CLEC16A: variants seen among roughly 807,000 people sequenced by gnomAD.
The protein encoded by CLEC16A is C-type lectin domain containing 16A.
A neutral mutation model predicts 109.5 loss-of-function variants in CLEC16A; 51 were observed. The observed-to-expected ratio is 0.47, with a 90% CI of 0.37 to 0.59. The LOEUF (loss-of-function observed/expected upper bound fraction) is 0.59. CLEC16A is among the 20% of genes least tolerant of loss of function. CLEC16A has a pLI of 0.00. For synonymous variants in CLEC16A, 673 were observed against 564.2 expected (o/e 1.19, Z -2.73); for missense variants, 1,339 against 1,394.0 (o/e 0.96, Z 0.63).
At chr16:11,054,675 A>C (rs2048118217) in intron 18 of CLEC16A, among the ~76,000 whole-genome samples, 1 of 152,174 alleles carries the variant, frequency 6.6e-6, no homozygotes, top group African/African-American at 2.4e-5. Flanking sequence ...TGACTTTAAT[A>C]ATTTCTTTCT....
intron 22 of CLEC16A, among the ~76,000 whole-genome samples, chr16:11,137,756 C>G (rs756253146): frequency 3.9e-4 from 59 of 151,786 alleles, no homozygotes; most frequent in Non-Finnish European, 1.2e-4. Flanking sequence ...TTGCAGTGAA[C>G]CAAGGTCGCA....
At chr16:11,151,501 C>T (rs890898042) in intron 22 of CLEC16A, among the ~76,000 whole-genome samples, 2 of 152,218 alleles carry the variant, frequency 1.3e-5, no homozygotes, top group Non-Finnish European at 1.5e-5. Context: ...TATCAAGTCA[C>T]TTTTTTATTT....
Position 10,952,509 on chromosome 16 carries a change from A to G in CLEC16A, c.81-5273A>G, listed in dbSNP as rs1206785438. On this transcript the variant is annotated intron_variant, in intron 1 of 23. Coordinates refer to ENST00000409790, the MANE Select transcript of CLEC16A (RefSeq NM_015226.3). ...CTCCATCTCAGAAAATGACAACAAC[A>G]ACAAAAAGTTATTAAAATGTTTATA... Among the ~76,000 whole-genome samples, 3 of 152,234 alleles carry G rather than the reference A, an allele frequency of 2.0e-5. No homozygotes were observed. The South Asian group carries it at 6.2e-4, about 31-fold the overall frequency.
chr16:11,143,814 G>C (rs920094010), intron 22 of CLEC16A, among the ~76,000 whole-genome samples: 2 of 152,186 alleles, frequency 1.3e-5, no homozygotes, highest in Non-Finnish European at 2.9e-5. Flanking sequence ...TTGCAGTTGA[G>C]GTTTTCTGAG....
chr16:11,067,771 T>A (rs1381285813), intron 19 of CLEC16A, among the ~76,000 whole-genome samples: 1 of 152,122 alleles, frequency 6.6e-6, no homozygotes, highest in Non-Finnish European at 1.5e-5. Flanking sequence ...AGAGGTGGTG[T>A]CCACAAGCTG....
chr16:11,129,895 T>C (rs903170330), intron 22 of CLEC16A, among the ~76,000 whole-genome samples: 3 of 152,026 alleles, frequency 2.0e-5, no homozygotes, highest in Non-Finnish European at 4.4e-5. Context: ...CCCTAGTAGC[T>C]GGTACTACAG....
intron 20 of CLEC16A, 132 bp downstream of exon 20, chr16:11,120,898 A>G: frequency 1.0e-6 from 1 of 982,464 alleles, no homozygotes; most frequent in Non-Finnish European, 1.3e-6. Flanking sequence ...GGTATATGTG[A>G]ACAAATTGTC....
intron 22 of CLEC16A, among the ~76,000 whole-genome samples, chr16:11,149,645 T>C (rs193751): frequency 0.7 from 106,223 of 151,900 alleles, 38,496 homozygotes; most frequent in African/African-American, 0.88. Context: ...TATAAATAGC[T>C]GGGCATGATG....
intron 10 of CLEC16A, among the ~76,000 whole-genome samples, chr16:10,987,522 G>C (rs189827102): frequency 6.6e-6 from 1 of 152,168 alleles, no homozygotes; most frequent in East Asian, 1.9e-4. Flanking sequence ...AGCCAGTTGT[G>C]GTGGACACCT....
In CLEC16A at chr16:11,047,360, A is replaced by G; in HGVS notation, c.1866+18A>G. The G allele has an allele frequency of 1.2e-6, 2 of 1,601,926 alleles. No homozygotes were observed. The highest frequency in any genetic ancestry group is 1.7e-6 in the Non-Finnish European group (2 of 1,174,018). On this transcript the variant is annotated intron_variant, in intron 17 of 23. Transcript: ENST00000409790. ...GCATGACAGTAAGTGAGGGGCTGGG[A>G]CACACTTGGGCTGGTGTGCGCCTGT...
At chr16:11,173,651 G>A (rs536300185) in intron 23 of CLEC16A, among the ~76,000 whole-genome samples, 1 of 152,154 alleles carries the variant, frequency 6.6e-6, no homozygotes, top group Non-Finnish European at 1.5e-5. Context: ...CTCCTCACTT[G>A]GGGTCAGAAA....
chr16:11,028,131 C>T (rs1222862657), intron 13 of CLEC16A, among the ~76,000 whole-genome samples: 4 of 152,256 alleles, frequency 2.6e-5, no homozygotes, highest in African/African-American at 7.2e-5. Flanking sequence ...ACGTGGGAGG[C>T]GGAAGTTGCA....
chr16:11,075,378 C>CTG (rs373865850), intron 19 of CLEC16A, among the ~76,000 whole-genome samples: 38,586 of 134,402 alleles, frequency 0.29, 5,438 homozygotes, highest in East Asian at 0.53. Flanking sequence ...TTGGATATGT[C>CTG]TGTGTGTGTG....
chr16:11,076,305 C>T (rs1002413275), intron 19 of CLEC16A, among the ~76,000 whole-genome samples: 5 of 152,218 alleles, frequency 3.3e-5, no homozygotes, highest in African/African-American at 1.2e-4. Context: ...CAGGGTGCCC[C>T]AAAACCCCCA....
chr16:11,163,815 T>A (rs2054809946), intron 22 of CLEC16A, among the ~76,000 whole-genome samples: 1 of 152,170 alleles, frequency 6.6e-6, no homozygotes, highest in South Asian at 2.1e-4. Flanking sequence ...CCAACTCTGT[T>A]ACTACACTGG....
intron 22 of CLEC16A, among the ~76,000 whole-genome samples, chr16:11,151,218 A>G (rs942215469): frequency 6.6e-6 from 1 of 152,216 alleles, no homozygotes; most frequent in Non-Finnish European, 1.5e-5. Flanking sequence ...CCCTATGACA[A>G]ACATCCTTAT....
At chr16:10,947,319 G>A (rs1167071290) in intron 1 of CLEC16A, among the ~76,000 whole-genome samples, 1 of 152,202 alleles carries the variant, frequency 6.6e-6, no homozygotes, top group Non-Finnish European at 1.5e-5. Flanking sequence ...TGGGTCTTGG[G>A]TACAGAACAG....
chr16:10,962,551 C>T lies in CLEC16A; in HGVS notation c.306C>T (p.Asn102=). 4 of 1,613,922 alleles carry T rather than the reference C, an allele frequency of 2.5e-6. No individual in the cohort carries two copies. The highest frequency in any genetic ancestry group is 3.4e-6 in the Non-Finnish European group (4 of 1,179,868). The change falls in exon 3 of 24, where the codon AAC becomes AAT. Residue 102 remains asparagine, a synonymous_variant. Transcript: ENST00000409790. ...YVCVQLLQTL[N]ILFENISHET... is the part of the protein sequence containing the mutation. The stretch of plus-strand genomic sequence containing the variant: ...GCGTTCAGCTGCTGCAGACCTTGAA[C>T]ATCCTCTTTGAGAACATCAGTCACG...
At chr16:11,087,516 A>G (rs923810278) in intron 19 of CLEC16A, among the ~76,000 whole-genome samples, 6 of 152,250 alleles carry the variant, frequency 3.9e-5, no homozygotes, top group African/African-American at 1.4e-4. Context: ...AAATGTGGAC[A>G]GATTTTGCTT....
Sources: allele counts gnomAD v4.1 joint callset (sites outside exome capture counted in the v4.1 genomes callset), GRCh38; gene constraint gnomAD v4.1.1; transcripts MANE v1.5; gene names NCBI Gene and HGNC (gene_info 2026-07-23, HGNC 2026-07-21).